Variants in ATP8B4 observed in about 807,000 individuals in gnomAD.
ATP8B4 encodes ATPase phospholipid transporting 8B4 (putative), also known as probable phospholipid-transporting ATPase IM.
ATP8B4 carries 133 observed loss-of-function variants against 145.6 expected under a neutral mutation model. The observed-to-expected ratio is 0.91, with a 90% CI of 0.79 to 1.05. The LOEUF is 1.05. ATP8B4 is among the 50% of genes least tolerant of loss of function. The pLI, the probability that ATP8B4 is intolerant of heterozygous loss-of-function variation, is 0.00. For synonymous variants in ATP8B4, 507 were observed against 492.9 expected (o/e 1.03, Z -0.38); for missense variants, 1,458 against 1,425.2 (o/e 1.02, Z -0.37).
intron 6 of ATP8B4, among the ~76,000 whole-genome samples, chr15:50,017,822 A>G (rs2049207453): frequency 6.6e-6 from 1 of 152,204 alleles, no homozygotes; most frequent in Admixed American, 6.5e-5. Flanking sequence ...AAGTACAATT[A>G]AAGGTATCAC....
chr15:49,991,180 C>T (rs1465609549), intron 9 of ATP8B4, among the ~76,000 whole-genome samples: 1 of 152,068 alleles, frequency 6.6e-6, no homozygotes, highest in East Asian at 1.9e-4. Flanking sequence ...AAGATGCTAA[C>T]CAAGCTATTT....
chr15:50,053,558 T>C (rs2052355065), intron 3 of ATP8B4, among the ~76,000 whole-genome samples: 1 of 152,256 alleles, frequency 6.6e-6, no homozygotes, highest in Non-Finnish European at 1.5e-5. Context: ...GCTTACAGTT[T>C]CCTTGGATTC....
Position 49,958,473 on chromosome 15 carries a change from C to T in ATP8B4, c.1287+3504G>A, listed in dbSNP as rs916585148. Among the ~76,000 whole-genome samples the T allele has an allele frequency of 1.6e-4, 25 of 151,684 alleles. 1 individual carries two copies. The highest frequency in any genetic ancestry group is 8.5e-4 in the Admixed American group (13 of 15,252). ...AAAATAAGTAAATCCAACAGCTATACTTTTTCATGGAAGAAGGGGCAACTA... is the reference window on the plus strand; with the variant it reads ...AAAATAAGTAAATCCAACAGCTATATTTTTTCATGGAAGAAGGGGCAACTA... On this transcript the variant is annotated intron_variant, in intron 14 of 27. Coordinates refer to ENST00000284509, the MANE Select transcript of ATP8B4 (RefSeq NM_024837.4).
intron 10 of ATP8B4, among the ~76,000 whole-genome samples, chr15:49,984,354 T>C (rs1292833891): frequency 6.6e-6 from 1 of 152,190 alleles, no homozygotes; most frequent in Non-Finnish European, 1.5e-5. Context: ...AGATGACACA[T>C]TGAACAAAGA....
intron 14 of ATP8B4, among the ~76,000 whole-genome samples, chr15:49,953,041 G>A (rs1469064531): frequency 6.6e-6 from 1 of 152,132 alleles, no homozygotes; most frequent in African/African-American, 2.4e-5. Context: ...GCCTGGAGAT[G>A]TCACTCAAGG....
intron 23 of ATP8B4, among the ~76,000 whole-genome samples, chr15:49,888,249 A>G (rs2036427335): frequency 6.6e-6 from 1 of 152,208 alleles, no homozygotes; most frequent in South Asian, 2.1e-4. Flanking sequence ...CAGAGCTACC[A>G]TGCCAGGTGG....
At chr15:50,048,107 T>C (rs1007887534) in intron 3 of ATP8B4, among the ~76,000 whole-genome samples, 2 of 152,044 alleles carry the variant, frequency 1.3e-5, no homozygotes, top group Admixed American at 1.3e-4. Flanking sequence ...TCACTGAGGT[T>C]TGGTGTATGA....
chr15:49,865,165 A>C (rs2032559468), intron 26 of ATP8B4, among the ~76,000 whole-genome samples: 1 of 152,186 alleles, frequency 6.6e-6, no homozygotes, highest in South Asian at 2.1e-4. Flanking sequence ...TTGATCACCA[A>C]TGGCCAATGA....
At chr15:49,878,482 C>G (rs901701008) in intron 24 of ATP8B4, among the ~76,000 whole-genome samples, 65 of 152,274 alleles carry the variant, frequency 4.3e-4, no homozygotes, top group African/African-American at 1.5e-3. Context: ...GCAAATAGGT[C>G]TAACAACAGC....
intron 1 of ATP8B4, among the ~76,000 whole-genome samples, chr15:50,160,953 A>G (rs982295931): frequency 1.3e-5 from 2 of 152,140 alleles, no homozygotes; most frequent in African/African-American, 2.4e-5. Flanking sequence ...TAACTGTCCA[A>G]TGCTGAAAAC....
chr15:50,143,853 G>C (rs1423694222), intron 1 of ATP8B4, among the ~76,000 whole-genome samples: 1 of 152,174 alleles, frequency 6.6e-6, no homozygotes, highest in Non-Finnish European at 1.5e-5. Flanking sequence ...GTGAGGGGGA[G>C]AAAACCCAGA....
At chr15:49,978,182 G>A (rs949422721) in intron 12 of ATP8B4, among the ~76,000 whole-genome samples, 1 of 152,160 alleles carries the variant, frequency 6.6e-6, no homozygotes, top group Non-Finnish European at 1.5e-5. Context: ...ATGTGCAGAT[G>A]GAAAGCCACT....
At chr15:49,875,152 C>T (rs1389620296) in intron 25 of ATP8B4, among the ~76,000 whole-genome samples, 1 of 152,186 alleles carries the variant, frequency 6.6e-6, no homozygotes, top group African/African-American at 2.4e-5. Flanking sequence ...TGTTACATGT[C>T]ACACCTACAA....
At chr15:50,061,330 A>G (rs549192129) in intron 3 of ATP8B4, among the ~76,000 whole-genome samples, 1 of 152,206 alleles carries the variant, frequency 6.6e-6, no homozygotes, top group Non-Finnish European at 1.5e-5. Flanking sequence ...TGGAAGCAAG[A>G]AGGAGCATAA....
At chr15:50,129,472 T>A (rs1239293953) in intron 1 of ATP8B4, among the ~76,000 whole-genome samples, 2 of 152,204 alleles carry the variant, frequency 1.3e-5, no homozygotes, top group Non-Finnish European at 2.9e-5. Flanking sequence ...TCTCCCTCTA[T>A]CAACACATGG....
Position 50,174,440 on chromosome 15 carries a change from GCA to G in ATP8B4, c.-43+7819_-43+7820del, listed in dbSNP as rs2044733347. 2.0e-5 allele frequency among the ~76,000 whole-genome samples: 3 copies of G among 151,702 alleles called. No individual in the cohort carries two copies. In the South Asian group the frequency reaches 6.2e-4, roughly 31 times the overall value. ...CTCCTAGAACTGATAAAAGAATTCA[GCA>G]CAGTTTCCAGATACAAGATTAACGT... On this transcript the variant is annotated intron_variant, in intron 1 of 3. Transcript: ENST00000558829.
At chr15:49,939,389 C>CA (rs1056090037) in intron 14 of ATP8B4, among the ~76,000 whole-genome samples, 2 of 151,614 alleles carry the variant, frequency 1.3e-5, no homozygotes, top group African/African-American at 4.8e-5. Context: ...AGAAAAGATC[C>CA]AAAAAACATA....
chr15:50,149,998 G>A (rs1048231460), intron 1 of ATP8B4, among the ~76,000 whole-genome samples: 2 of 152,110 alleles, frequency 1.3e-5, no homozygotes, highest in South Asian at 4.1e-4. Context: ...CTACTCAGGA[G>A]GCTGAGGCAG....
chr15:50,036,904 A>G (rs1179997532), intron 6 of ATP8B4, among the ~76,000 whole-genome samples: 1 of 152,236 alleles, frequency 6.6e-6, no homozygotes, highest in Admixed American at 6.5e-5. Context: ...ATGCTTTTCA[A>G]TACATCATGC....
Sources: gnomAD v4.1 joint callset for allele counts (sites outside exome capture counted in the v4.1 genomes callset) on GRCh38, gnomAD v4.1.1 for gene constraint, MANE v1.5 for transcripts, NCBI Gene and HGNC (gene_info 2026-07-23, HGNC 2026-07-21) for gene names.